DIAPH3: variants seen among roughly 807,000 people sequenced by gnomAD.
DIAPH3 encodes the protein protein diaphanous homolog 3.
DIAPH3 carries 117 observed loss-of-function variants against 144.3 expected under a neutral mutation model. That is an observed-to-expected ratio of 0.81 (90% CI 0.70 to 0.95). The LOEUF (loss-of-function observed/expected upper bound fraction) is 0.95, where lower values mean the gene tolerates loss of function less well. DIAPH3 is among the 40% of genes least tolerant of loss of function. DIAPH3 has a pLI of 0.00. For synonymous variants in DIAPH3, 519 were observed against 488.9 expected, an observed-to-expected ratio of 1.06 and a Z score of -0.81; for missense variants, 1,421 against 1,412.7, an observed-to-expected ratio of 1.01 and a Z score of -0.09.
At chr13:59,910,178 A>G (rs543094066) in intron 20 of DIAPH3, among the ~76,000 whole-genome samples, 170 of 151,406 alleles carry the variant, frequency 1.1e-3, no homozygotes, top group African/African-American at 3.9e-3. Context: ...AACATAGGTA[A>G]AAAAAAAACA....
intron 27 of DIAPH3, among the ~76,000 whole-genome samples, chr13:59,768,438 C>T (rs1046132099): frequency 1.3e-5 from 2 of 152,022 alleles, no homozygotes; most frequent in Admixed American, 1.3e-4. Flanking sequence ...TTCATTGTTT[C>T]CAAAGAAGAC....
At chr13:60,131,583 AG>A (rs2059143727) in intron 2 of DIAPH3, among the ~76,000 whole-genome samples, 2 of 152,150 alleles carry the variant, frequency 1.3e-5, no homozygotes, top group Non-Finnish European at 2.9e-5. Context: ...TGTCCAGAAC[AG>A]GCAAATCTAT....
rs922883282 is a variant in DIAPH3 at position 59,923,392 on chromosome 13, T to C, written c.2170+1383A>G. ...ACAGTGCTTTGAACCTAGACAAAGT[T>C]CTTTTGGGAGGGAAATTCCCTAAAA... On this transcript the variant is annotated intron_variant, in intron 18 of 27. Transcript: ENST00000400324. 5.9e-5 allele frequency among the ~76,000 whole-genome samples: 9 copies of C among 152,236 alleles called. 1 individual carries two copies. The South Asian group carries it at 1.2e-3, about 21-fold the overall frequency.
chr13:59,676,007 C>T (rs1021347703), intron 27 of DIAPH3, among the ~76,000 whole-genome samples: 2 of 152,152 alleles, frequency 1.3e-5, no homozygotes, highest in Admixed American at 6.5e-5. Context: ...ACATAGTGTG[C>T]TTTTAAGTAT....
intron 7 of DIAPH3, among the ~76,000 whole-genome samples, chr13:60,015,105 T>A (rs2053551574): frequency 6.6e-6 from 1 of 152,026 alleles, no homozygotes; most frequent in Non-Finnish European, 1.5e-5. Flanking sequence ...AAGCCACCCT[T>A]TCATCTCAGC....
intron 27 of DIAPH3, among the ~76,000 whole-genome samples, chr13:59,726,868 A>G (rs1164760780): frequency 6.6e-6 from 1 of 152,202 alleles, no homozygotes; most frequent in Non-Finnish European, 1.5e-5. Flanking sequence ...AAAAGTGTAT[A>G]AGATTGTTGA....
intron 22 of DIAPH3, among the ~76,000 whole-genome samples, chr13:59,844,180 T>C (rs547545932): frequency 1.3e-5 from 2 of 152,236 alleles, no homozygotes; most frequent in South Asian, 4.1e-4. Flanking sequence ...ACAATTCTTG[T>C]ATGTATCTTC....
At chr13:59,875,782 T>C (rs1426475929) in intron 21 of DIAPH3, among the ~76,000 whole-genome samples, 1 of 152,166 alleles carries the variant, frequency 6.6e-6, no homozygotes, top group Admixed American at 6.5e-5. Flanking sequence ...ATATTTTACT[T>C]TTTTGTCATA....
intron 22 of DIAPH3, among the ~76,000 whole-genome samples, chr13:59,847,655 T>C (rs143341294): frequency 1.0e-3 from 158 of 152,302 alleles, no homozygotes; most frequent in African/African-American, 3.6e-3. Context: ...CTTAGTATAA[T>C]GGTTCTGTGT....
At chr13:59,692,407 C>T (rs1193527476) in intron 27 of DIAPH3, among the ~76,000 whole-genome samples, 1 of 150,232 alleles carries the variant, frequency 6.7e-6, no homozygotes, top group Non-Finnish European at 1.5e-5. Flanking sequence ...CTGACACCCC[C>T]AACCCCCCCA....
At chr13:60,129,754 TA>T (rs1476465184) in intron 2 of DIAPH3, among the ~76,000 whole-genome samples, 6 of 152,194 alleles carry the variant, frequency 3.9e-5, no homozygotes, top group Non-Finnish European at 8.8e-5. Context: ...TCAGAAAACA[TA>T]TTGCCAGTAC....
chr13:59,999,196 G>T (rs1374652585), intron 9 of DIAPH3, among the ~76,000 whole-genome samples: 1 of 151,998 alleles, frequency 6.6e-6, no homozygotes, highest in African/African-American at 2.4e-5. Context: ...TGGCATATTT[G>T]TCTGATTATT....
At chr13:59,983,714 T>A in intron 13 of DIAPH3, 55 bp downstream of exon 13, 3 of 1,217,536 alleles carry the variant, frequency 2.5e-6, no homozygotes, top group Non-Finnish European at 3.6e-6. Flanking sequence ...GCCCTAGAGC[T>A]CATTCATAGA....
At chr13:59,714,168 G>A (rs2034905191) in intron 27 of DIAPH3, among the ~76,000 whole-genome samples, 1 of 151,818 alleles carries the variant, frequency 6.6e-6, no homozygotes, top group South Asian at 2.1e-4. Context: ...AGACCATCCC[G>A]GCTAACACGG....
Position 59,969,965 on chromosome 13 carries a change from T to C in DIAPH3, c.2053A>G (p.Thr685Ala), listed in dbSNP as rs1475363046. The change falls in exon 17 of 28, where the codon ACA becomes GCA. Residue 685 changes from threonine to alanine, a missense_variant. Physicochemically the swap from Thr to Ala is moderately conservative, Grantham distance 58. Coordinates refer to ENST00000400324, the MANE Select transcript of DIAPH3 (RefSeq NM_001042517.2). Reference sequence around the variant, plus strand: ...TTACCTTTTTGTTGGCAACAAAATGTATTCTCAAGTTTACAAAGCAAATCC... The same window carrying C: ...TTACCTTTTTGTTGGCAACAAAATGCATTCTCAAGTTTACAAAGCAAATCC... ...NVDLLCKLENTFCCQQKERRE... is the reference protein window; with the variant it reads ...NVDLLCKLENAFCCQQKERRE... 6.2e-7 allele frequency: 1 copy of C among 1,605,364 alleles called. No homozygotes were observed. Among genetic ancestry groups the C allele is most frequent in the Non-Finnish European group, 8.5e-7 (1 of 1,174,696 alleles).
At chr13:60,030,868 A>G (rs1397044461) in intron 5 of DIAPH3, among the ~76,000 whole-genome samples, 1 of 152,234 alleles carries the variant, frequency 6.6e-6, no homozygotes, top group Non-Finnish European at 1.5e-5. Context: ...CAAGACAGAC[A>G]TAGACCATTT....
chr13:59,683,783 T>G (rs76523516), intron 27 of DIAPH3, among the ~76,000 whole-genome samples: 1 of 152,170 alleles, frequency 6.6e-6, no homozygotes, highest in African/African-American at 2.4e-5. Flanking sequence ...ACTTTCCTTG[T>G]TGTCAATGCT....
At chr13:60,021,250 T>C (rs778279012) in intron 5 of DIAPH3, among the ~76,000 whole-genome samples, 3 of 152,252 alleles carry the variant, frequency 2.0e-5, no homozygotes, top group Non-Finnish European at 4.4e-5. Context: ...TACCCTAGTT[T>C]ATCCAGGTGG....
chr13:60,130,901 A>G (rs544976522), intron 2 of DIAPH3, among the ~76,000 whole-genome samples: 1 of 152,266 alleles, frequency 6.6e-6, no homozygotes, highest in East Asian at 1.9e-4. Flanking sequence ...GAAAGTCCTC[A>G]ATGAGGAACT....
Sources: gnomAD v4.1 joint callset for allele counts (sites outside exome capture counted in the v4.1 genomes callset) on GRCh38, gnomAD v4.1.1 for gene constraint, MANE v1.5 for transcripts, NCBI Gene and HGNC (gene_info 2026-07-23, HGNC 2026-07-21) for gene names.